PCDHA5: variants seen among roughly 807,000 people sequenced by gnomAD.
The protein encoded by PCDHA5 is protocadherin alpha 5.
In PCDHA5, 43 loss-of-function variants were observed where a neutral mutation model predicts 61.6. The observed-to-expected ratio is 0.70, with a 90% confidence interval of 0.55 to 0.90. PCDHA5 has a LOEUF of 0.90. Ranked by LOEUF, PCDHA5 falls within the 40% of genes least tolerant of loss-of-function variation. The pLI is 0.00. For synonymous variants in PCDHA5, 627 were observed against 543.9 expected (o/e 1.15, Z -2.13); for missense variants, 1,298 against 1,222.7 (o/e 1.06, Z -0.92).
In PCDHA5 at chr5:140,823,306, G is replaced by C; in HGVS notation, c.1531G>C (p.Ala511Pro). The change falls in exon 1 of 4, where the codon GCG becomes CCG. Residue 511 changes from alanine (A) to proline (P), a missense_variant. Ala to Pro is a conservative substitution (Grantham distance 27). Coordinates refer to ENST00000529859, the MANE Select transcript of PCDHA5 (RefSeq NM_018908.3). ...GCTGTCGAGTTACGTTTCGGTGCAC[G>C]CGGAGAGCGGCAAGGTGTACGCGCT... ...RPLSSYVSVHAESGKVYALQP... is the reference protein window; with the variant it reads ...RPLSSYVSVHPESGKVYALQP... 6.2e-7 allele frequency: 1 copy of C among 1,612,298 alleles called. No homozygotes were observed. Among genetic ancestry groups the C allele is most frequent in the South Asian group, 1.1e-5 (1 of 91,016 alleles).
chr5:140,870,954 G>A, intron 1 of PCDHA5: 1 of 1,613,632 alleles, frequency 6.2e-7, no homozygotes, highest in Non-Finnish European at 8.5e-7. Flanking sequence ...CGGGCGGCTC[G>A]CGCATCCCGT....
intron 3 of PCDHA5, among the ~76,000 whole-genome samples, chr5:141,005,531 G>A (rs1441846175): frequency 1.3e-5 from 2 of 151,072 alleles, no homozygotes; most frequent in African/African-American, 4.9e-5. Context: ...GTGAAACCCC[G>A]TCTCTACTAA....
rs2150411211 is a variant in PCDHA5, at chr5:140,848,488, T to C, written c.2352+24361T>C. The C allele has an allele frequency of 1.0e-5, 16 of 1,574,158 alleles. 1 individual carries two copies. The highest frequency in any genetic ancestry group is 3.4e-4 in the Middle Eastern group (2 of 5,918). On this transcript the variant is annotated intron_variant, in intron 1 of 3. Coordinates refer to ENST00000529859, the MANE Select transcript of PCDHA5 (RefSeq NM_018908.3). ...TTTCACTAATTAGAAGAAGACTGAG[T>C]ATTTGAAATGTTATACTCAAGTCGA... is the stretch of plus-strand genomic sequence containing the variant.
intron 3 of PCDHA5, among the ~76,000 whole-genome samples, chr5:140,997,376 C>T (rs1554255857): frequency 2.6e-5 from 4 of 152,144 alleles, no homozygotes. Flanking sequence ...GATGATATAG[C>T]ATACTACACA....
chr5:140,866,893 A>G (rs961620387), intron 1 of PCDHA5: 1 of 152,138 alleles, frequency 6.6e-6, no homozygotes, highest in Admixed American at 6.5e-5. Context: ...ATACCCAGAT[A>G]TTAGGCTGAT....
chr5:140,856,991 T>A, intron 1 of PCDHA5: 1 of 1,595,770 alleles, frequency 6.3e-7, no homozygotes, highest in Non-Finnish European at 8.6e-7. Flanking sequence ...CAGTAACACT[T>A]ATGAAATTCA....
At chr5:140,918,970 T>C (rs1217884686) in intron 1 of PCDHA5, among the ~76,000 whole-genome samples, 1 of 152,220 alleles carries the variant, frequency 6.6e-6, no homozygotes, top group Non-Finnish European at 1.5e-5. Flanking sequence ...CAGATATCGT[T>C]TAGGTTAGTT....
chr5:140,829,809 C>CTGG, intron 1 of PCDHA5: 1 of 1,613,854 alleles, frequency 6.2e-7, no homozygotes, highest in African/African-American at 1.3e-5. Context: ...GTGGGTGGTA[C>CTGG]TGGTGGTGCA....
At chr5:140,850,702 AGCCGAC>A (rs2150495011) in intron 1 of PCDHA5, 2 of 1,598,050 alleles carry the variant, frequency 1.3e-6, no homozygotes, top group Non-Finnish European at 1.7e-6. Flanking sequence ...GCGCCTGGCA[AGCCGAC>A]GCTGGTGTGT....
At chr5:140,866,876 T>A (rs1554160645) in intron 1 of PCDHA5, 2 of 152,134 alleles carry the variant, frequency 1.3e-5, no homozygotes, top group African/African-American at 4.8e-5. Context: ...CTTCTTGGTA[T>A]TAGCCTATAC....
At chr5:140,966,763 G>C (rs1020607410) in intron 1 of PCDHA5, 1 of 1,470,370 alleles carries the variant, frequency 6.8e-7, no homozygotes, top group Non-Finnish European at 9.0e-7. Flanking sequence ...CGCGGCCAGT[G>C]GCTATGGAGC....
chr5:140,827,639 A>G (rs2150148590), intron 1 of PCDHA5, among the ~76,000 whole-genome samples: 6 of 152,354 alleles, frequency 3.9e-5, no homozygotes, highest in Admixed American at 1.3e-4. Context: ...AATAGTTTAC[A>G]TTTCTGATTT....
intron 1 of PCDHA5, among the ~76,000 whole-genome samples, chr5:140,938,751 C>A (rs943916265): frequency 6.6e-6 from 1 of 151,978 alleles, no homozygotes; most frequent in Non-Finnish European, 1.5e-5. Flanking sequence ...TTTTTAAAGG[C>A]ATAGTTATTG....
At chr5:140,927,725 C>CA in intron 1 of PCDHA5, 1 of 1,614,202 alleles carries the variant, frequency 6.2e-7, no homozygotes, top group Non-Finnish European at 8.5e-7. Context: ...AGCACGCAAG[C>CA]AGAGCTGCGA....
In PCDHA5 at chr5:140,876,309, T is replaced by G. The variant is rs868927753; in HGVS notation, c.2352+52182T>G. On this transcript the variant is annotated intron_variant, in intron 1 of 3. Transcript: ENST00000529859. ...AAGGACTTAATGGAGAAATTTCCTATGGGATCAAAATGATTTTGCCAGTGA... is the reference window on the plus strand; with the variant it reads ...AAGGACTTAATGGAGAAATTTCCTAGGGGATCAAAATGATTTTGCCAGTGA... The G allele has an allele frequency of 6.2e-6, 10 of 1,614,064 alleles. No homozygotes were observed. The Admixed American group carries it at 1.7e-4, about 27-fold the overall frequency.
intron 1 of PCDHA5, chr5:140,858,225 C>T (rs2045276704): frequency 6.3e-7 from 1 of 1,596,714 alleles, no homozygotes; most frequent in South Asian, 1.1e-5. Context: ...GCGGCGCCCA[C>T]CGAGGGCGCA....
Position 141,010,368 on chromosome 5 carries a change from C to G in PCDHA5, c.*431C>G, listed in dbSNP as rs368481822. 3,124 of 1,471,046 alleles carry G rather than the reference C, an allele frequency of 2.1e-3. 5 individuals are homozygous for G. Among genetic ancestry groups the G allele is most frequent in the Middle Eastern group, 8.7e-3 (36 of 4,144 alleles). The allele number at this position is 1,471,046 out of a possible 1,614,324, so 91.1% of individuals were successfully genotyped here. A position where few individuals can be genotyped will look rare whatever the true frequency, so the allele number is the denominator to read the frequency against. On this transcript the variant is annotated 3_prime_UTR_variant, in exon 4 of 4. Coordinates refer to ENST00000529859, the MANE Select transcript of PCDHA5 (RefSeq NM_018908.3). ...GGTATGTGTGGCTACCGCGGGTATG[C>G]GAGTGCCAGATATTGGCTGAGACGA...
At chr5:140,966,868 G>A (rs781853403) in intron 1 of PCDHA5, 47 of 1,580,198 alleles carry the variant, frequency 3.0e-5, no homozygotes, top group Non-Finnish European at 3.7e-5. Flanking sequence ...TGTTGCTGCT[G>A]CTGCTACCTG....
intron 1 of PCDHA5, among the ~76,000 whole-genome samples, chr5:140,963,229 G>A (rs1211084766): frequency 2.6e-5 from 4 of 152,134 alleles, no homozygotes; most frequent in African/African-American, 7.2e-5. Context: ...AGTAGACACT[G>A]TTTGATGGAT....
Sources: allele counts gnomAD v4.1 joint callset (sites outside exome capture counted in the v4.1 genomes callset), GRCh38; gene constraint gnomAD v4.1.1; transcripts MANE v1.5; gene names NCBI Gene and HGNC (gene_info 2026-07-23, HGNC 2026-07-21).